The following SPCS2 variants were observed in gnomAD, a reference collection of about 807,000 sequenced individuals.
The protein encoded by SPCS2 is signal peptidase complex subunit 2.
A neutral mutation model predicts 22.3 loss-of-function variants in SPCS2; 3 were observed. The observed-to-expected ratio is 0.13, with a 90% confidence interval of 0.06 to 0.35. SPCS2 has a LOEUF of 0.35. SPCS2 is among the 10% of genes least tolerant of loss of function. The probability of loss-of-function intolerance (pLI) is 1.00; values close to 1 mark genes in which losing one functional copy is unlikely to be tolerated. For missense variants in SPCS2, 169 were observed against 280.9 expected (o/e 0.60, Z 2.85); for synonymous variants, 67 against 97.2 (o/e 0.69, Z 1.83).
intron 3 of SPCS2, chr11:74,968,236 G>A (rs902622538): frequency 6.6e-6 from 1 of 152,092 alleles, no homozygotes; most frequent in Non-Finnish European, 1.5e-5. Context: ...TTGTGCTAGG[G>A]CCATGCTAAC....
chr11:74,964,635 G>T (rs1309591654), intron 1 of SPCS2, among the ~76,000 whole-genome samples: 1 of 152,144 alleles, frequency 6.6e-6, no homozygotes, highest in African/African-American at 2.4e-5. Flanking sequence ...GTAATTTTCT[G>T]TACTCACATT....
At position 74,977,990 on chromosome 11, in the gene SPCS2, T is replaced by C. The variant is rs1042183674; in HGVS notation, c.*947T>C. 3 of 152,232 alleles carry C rather than the reference T, an allele frequency of 2.0e-5. No individual in the cohort carries two copies. Among genetic ancestry groups the C allele is most frequent in the African/African-American group, 7.2e-5 (3 of 41,464 alleles). 9.4% of individuals were successfully genotyped at this position (152,232 alleles called of 1,614,324 possible). ...CAATCCTAAGAGGCAGGTGCTGTTA[T>C]TATCCCCATTTTACACATGAGGAAA... is the stretch of plus-strand genomic sequence containing the variant. On this transcript the variant is annotated 3_prime_UTR_variant, in exon 5 of 5. Coordinates refer to ENST00000263672, the MANE Select transcript of SPCS2 (RefSeq NM_014752.3).
At chr11:74,952,943 A>G (rs1948455112) in intron 1 of SPCS2, among the ~76,000 whole-genome samples, 1 of 152,158 alleles carries the variant, frequency 6.6e-6, no homozygotes. Context: ...TTATTTCACC[A>G]ATTTGTATTT....
At chr11:74,954,382 C>T (rs879468381) in intron 1 of SPCS2, among the ~76,000 whole-genome samples, 1 of 152,224 alleles carries the variant, frequency 6.6e-6, no homozygotes, top group Non-Finnish European at 1.5e-5. Context: ...CACATTGCTT[C>T]CCATACCAGA....
intron 1 of SPCS2, among the ~76,000 whole-genome samples, chr11:74,951,640 A>C (rs1409476351): frequency 6.6e-6 from 1 of 151,834 alleles, no homozygotes; most frequent in African/African-American, 2.4e-5. Context: ...GAGAAACCCC[A>C]TCTCTACTAA....
chr11:74,951,121 T>C (rs1009535452), intron 1 of SPCS2, among the ~76,000 whole-genome samples: 1 of 152,262 alleles, frequency 6.6e-6, no homozygotes, highest in Non-Finnish European at 1.5e-5. Flanking sequence ...ATGGCACCAT[T>C]GTGTTATTGA....
At chr11:74,976,350 A>ATT (rs1341609531) in intron 4 of SPCS2, among the ~76,000 whole-genome samples, 4 of 152,224 alleles carry the variant, frequency 2.6e-5, no homozygotes, top group Admixed American at 2.6e-4. Context: ...ATAAGAGCCT[A>ATT]TTATTAGGCC....
At chr11:74,954,060 CAT>C (rs767127351) in intron 1 of SPCS2, among the ~76,000 whole-genome samples, 1 of 152,218 alleles carries the variant, frequency 6.6e-6, no homozygotes, top group Non-Finnish European at 1.5e-5. Context: ...TTTTTCTTCA[CAT>C]GTCTCTATTA....
chr11:74,960,238 A>G (rs778255104), intron 1 of SPCS2, among the ~76,000 whole-genome samples: 1 of 152,240 alleles, frequency 6.6e-6, no homozygotes, highest in Non-Finnish European at 1.5e-5. Context: ...AGGCTGAGGC[A>G]TGAGAATTGC....
At chr11:74,954,271 G>A (rs79638402) in intron 1 of SPCS2, among the ~76,000 whole-genome samples, 3,644 of 152,262 alleles carry the variant, frequency 0.024, 123 homozygotes, top group African/African-American at 0.084. Context: ...TGTAGACAAG[G>A]ACACAAGCAA....
intron 4 of SPCS2, among the ~76,000 whole-genome samples, chr11:74,971,186 T>C (rs1197866260): frequency 6.6e-6 from 1 of 152,270 alleles, no homozygotes; most frequent in African/African-American, 2.4e-5. Context: ...TTCGTTCATG[T>C]TGTAGCATGT....
At chr11:74,957,386 T>C (rs960111093) in intron 1 of SPCS2, among the ~76,000 whole-genome samples, 1 of 152,212 alleles carries the variant, frequency 6.6e-6, no homozygotes, top group Non-Finnish European at 1.5e-5. Flanking sequence ...GAAACGGCTG[T>C]ATGGTCCTCT....
chr11:74,976,742 C>T, intron 4 of SPCS2, 115 bp from the exon 5 acceptor site: 1 of 1,313,814 alleles, frequency 7.6e-7, no homozygotes, highest in South Asian at 1.4e-5. Flanking sequence ...GTGTTTGTTC[C>T]CTGTATCACC....
At chr11:74,962,537 C>T (rs1192758534) in intron 1 of SPCS2, among the ~76,000 whole-genome samples, 1 of 125,806 alleles carries the variant, frequency 7.9e-6, no homozygotes, top group Non-Finnish European at 1.7e-5. Context: ...TTGAGGAAGA[C>T]AAAATTGAGG....
intron 4 of SPCS2, among the ~76,000 whole-genome samples, chr11:74,973,233 G>A (rs1948596985): frequency 6.6e-6 from 1 of 152,100 alleles, no homozygotes; most frequent in Admixed American, 6.5e-5. Flanking sequence ...CCCTTTGAAT[G>A]CATGTCATCA....
intron 2 of SPCS2, 170 bp downstream of exon 2, chr11:74,965,287 A>G: frequency 1.9e-6 from 1 of 529,766 alleles, no homozygotes; most frequent in South Asian, 2.7e-5. Context: ...AGTGTGTTGA[A>G]ATATCACCAA....
chr11:74,954,339 C>T (rs573548100), intron 1 of SPCS2, among the ~76,000 whole-genome samples: 5 of 152,240 alleles, frequency 3.3e-5, no homozygotes, highest in Admixed American at 6.5e-5. Context: ...CTGGCTCCCC[C>T]AGTGCTTAAT....
chr11:74,951,355 A>G (rs1458157063), intron 1 of SPCS2, among the ~76,000 whole-genome samples: 1 of 152,164 alleles, frequency 6.6e-6, no homozygotes, highest in Non-Finnish European at 1.5e-5. Flanking sequence ...GGAGGAGTAA[A>G]TCAAGAATCC....
intron 4 of SPCS2, among the ~76,000 whole-genome samples, chr11:74,972,571 G>A (rs560354943): frequency 4.6e-5 from 7 of 152,220 alleles, no homozygotes; most frequent in Non-Finnish European, 8.8e-5. Flanking sequence ...AGGGCCTGGC[G>A]TGGCATGTTT....
Sources: allele counts gnomAD v4.1 joint callset (sites outside exome capture counted in the v4.1 genomes callset), GRCh38; gene constraint gnomAD v4.1.1; transcripts MANE v1.5; gene names NCBI Gene and HGNC (gene_info 2026-07-23, HGNC 2026-07-21).